KIRREL3: variants seen among roughly 807,000 people sequenced by gnomAD.
The protein encoded by KIRREL3 is kirre like nephrin family adhesion molecule 3, also known as kin of IRRE-like protein 3.
KIRREL3 carries 36 observed loss-of-function variants against 89.7 expected under a neutral mutation model. The ratio of observed to expected loss-of-function variants is 0.40; its 90% CI spans 0.31 to 0.53. The LOEUF is 0.53. Ranked by LOEUF, KIRREL3 falls within the 20% of genes least tolerant of loss-of-function variation. The pLI is 0.49. For missense variants in KIRREL3, 864 were observed against 1,056.6 expected (o/e 0.82, Z 2.53); for synonymous variants, 445 against 441.4 (o/e 1.01, Z -0.10).
At chr11:126,700,627 C>T (rs575224124) in intron 1 of KIRREL3, among the ~76,000 whole-genome samples, 32 of 152,314 alleles carry the variant, frequency 2.1e-4, no homozygotes, top group African/African-American at 7.2e-4. Flanking sequence ...GCCTTTCTGG[C>T]GGACCCCATT....
rs1336925666 is a variant in KIRREL3, at chr11:126,923,373, C to G, written c.55+77082G>C. On this transcript the variant is annotated intron_variant, in intron 1 of 16. Coordinates refer to ENST00000525144, the MANE Select transcript of KIRREL3 (RefSeq NM_032531.4). ...CTTCCTTCTCCTTCTCCTTCTCCTT[C>G]TTCCTTCTTCTTCTTCCTCTTCTTT... is the stretch of plus-strand genomic sequence containing the variant. Among the ~76,000 whole-genome samples the G allele has an allele frequency of 1.3e-3, 9 of 6,908 alleles. 1 individual carries two copies. The highest frequency in any genetic ancestry group is 8.3e-3 in the African/African-American group (9 of 1,086). 4.5% of individuals were successfully genotyped at this position (6,908 alleles called of 152,430 possible).
intron 1 of KIRREL3, among the ~76,000 whole-genome samples, chr11:126,757,831 C>G (rs1211169464): frequency 2.0e-5 from 3 of 152,224 alleles, no homozygotes; most frequent in Non-Finnish European, 1.5e-5. Flanking sequence ...AGGATCTCCA[C>G]CTCTGAAGAC....
At chr11:126,785,606 A>T (rs1950462999) in intron 1 of KIRREL3, among the ~76,000 whole-genome samples, 1 of 152,176 alleles carries the variant, frequency 6.6e-6, no homozygotes, top group African/African-American at 2.4e-5. Flanking sequence ...GGCCAGGTGC[A>T]GTGGCTCATG....
intron 1 of KIRREL3, among the ~76,000 whole-genome samples, chr11:126,952,749 A>G (rs1274887388): frequency 6.6e-6 from 1 of 152,186 alleles, no homozygotes; most frequent in African/African-American, 2.4e-5. Flanking sequence ...ATTTTTGTAT[A>G]TGGTGTAAGG....
rs978670255 is a variant in KIRREL3 at position 126,797,189 on chromosome 11, A to C, written c.55+203266T>G. Among the ~76,000 whole-genome samples, 3 of 152,164 alleles carry C rather than the reference A, an allele frequency of 2.0e-5. No individual in the cohort carries two copies. Among genetic ancestry groups the C allele is most frequent in the African/African-American group, 7.2e-5 (3 of 41,452 alleles). ...TTGGGGCTGTGTTACTGTGCAGGGAATATGAGCCTAGGCTCTGAATATGGG... is the reference window on the plus strand; with the variant it reads ...TTGGGGCTGTGTTACTGTGCAGGGACTATGAGCCTAGGCTCTGAATATGGG... On this transcript the variant is annotated intron_variant, in intron 1 of 16. Transcript: ENST00000525144. This position sits in a 1 kb window ranked among gnomAD's most constrained non-coding sequence, Gnocchi z 4.9.
At position 126,430,323 on chromosome 11, in the gene KIRREL3, T is replaced by C. The variant is rs1955084506; in HGVS notation, c.1697-1035A>G. Among the ~76,000 whole-genome samples, 1 of 152,066 alleles carries C rather than the reference T, an allele frequency of 6.6e-6. No homozygotes were observed. The highest frequency in any genetic ancestry group is 2.1e-4 in the South Asian group (1 of 4,826). ...AGCAAGGCATGATGGCACACGCCTG[T>C]AATCCCAGCGACTCAGGAGGCTTAG... is the stretch of plus-strand genomic sequence containing the variant. On this transcript the variant is annotated intron_variant, in intron 14 of 16. Transcript: ENST00000525144. The surrounding 1 kb of genome is among the most constrained non-coding windows in gnomAD (Gnocchi z 6.6).
intron 12 of KIRREL3, 39 bp from the exon 13 acceptor site, chr11:126,435,342 G>A (rs1955284257): frequency 1.2e-6 from 2 of 1,612,614 alleles, no homozygotes; most frequent in African/African-American, 2.7e-5. Context: ...GCCAGGGCCT[G>A]GCTGGCCAGG....
chr11:126,562,772 G>T lies in KIRREL3; in HGVS notation c.133+63C>A. 1 of 1,364,374 alleles carries T rather than the reference G, an allele frequency of 7.3e-7. No individual in the cohort carries two copies. The highest frequency in any genetic ancestry group is 1.0e-6 in the Non-Finnish European group (1 of 953,872). The allele number at this position is 1,364,374 out of a possible 1,614,324, so 84.5% of individuals were successfully genotyped here. Reference sequence around the variant, plus strand: ...TTATTCCTGGTTCCTCTGTCCTGTGGCTGTAGGGGAGAGCTTCCTCCCTCC... The same window carrying T: ...TTATTCCTGGTTCCTCTGTCCTGTGTCTGTAGGGGAGAGCTTCCTCCCTCC... On this transcript the variant is annotated intron_variant, in intron 2 of 16. Transcript: ENST00000525144. The surrounding 1 kb of genome is among the most constrained non-coding windows in gnomAD (Gnocchi z 4.7).
chr11:126,451,505 A>T (rs923763914), intron 7 of KIRREL3, among the ~76,000 whole-genome samples: 15 of 121,988 alleles, frequency 1.2e-4, no homozygotes, highest in African/African-American at 4.3e-4. Flanking sequence ...TGCATGTGTG[A>T]GTGTGTCCAT....
chr11:126,528,060 C>T lies in KIRREL3; in HGVS notation c.134-1373G>A, dbSNP rs1958818965. On this transcript the variant is annotated intron_variant, in intron 2 of 16. Coordinates refer to ENST00000525144, the MANE Select transcript of KIRREL3 (RefSeq NM_032531.4). The surrounding 1 kb of genome is among the most constrained non-coding windows in gnomAD (Gnocchi z 4.6). ...CAAAGAAACCAGGATCAGAGAGGCACAGTAACCTGCCCAAGGTCACGCAGC... is the reference window on the plus strand; with the variant it reads ...CAAAGAAACCAGGATCAGAGAGGCATAGTAACCTGCCCAAGGTCACGCAGC... Among the ~76,000 whole-genome samples, 2 of 152,212 alleles carry T rather than the reference C, an allele frequency of 1.3e-5. No homozygotes were observed. Among genetic ancestry groups the T allele is most frequent in the Admixed American group, 6.5e-5 (1 of 15,288 alleles).
In KIRREL3 at chr11:126,985,523, C is replaced by A. The variant is rs1478111809; in HGVS notation, c.55+14932G>T. On this transcript the variant is annotated intron_variant, in intron 1 of 16. Transcript: ENST00000525144. The surrounding 1 kb of genome is among the most constrained non-coding windows in gnomAD (Gnocchi z 5.3). ...GGGAGAGAGGTCAAGGAAACTTCCA[C>A]CAGGAGGCAAAAGGAGCTGAGTCTT... 1.3e-5 allele frequency among the ~76,000 whole-genome samples: 2 copies of A among 152,072 alleles called. No homozygotes were observed. Among genetic ancestry groups the A allele is most frequent in the Non-Finnish European group, 2.9e-5 (2 of 68,022 alleles).
Position 126,860,035 on chromosome 11 carries a change from T to C in KIRREL3, c.55+140420A>G, listed in dbSNP as rs1944655690. On this transcript the variant is annotated intron_variant, in intron 1 of 16. Transcript: ENST00000525144. This position sits in a 1 kb window ranked among gnomAD's most constrained non-coding sequence, Gnocchi z 4.6. ...TATTAACTCTGACGTTCTACTATTG[T>C]CTGAGAAGCGTAATCTGAAAGGGGA... Among the ~76,000 whole-genome samples, 1 of 152,206 alleles carries C rather than the reference T, an allele frequency of 6.6e-6. No homozygotes were observed. Among genetic ancestry groups the C allele is most frequent in the East Asian group, 1.9e-4 (1 of 5,192 alleles).
At chr11:126,775,538 C>T (rs1365322714) in intron 1 of KIRREL3, among the ~76,000 whole-genome samples, 1 of 152,182 alleles carries the variant, frequency 6.6e-6, no homozygotes, top group African/African-American at 2.4e-5. Flanking sequence ...TCCAGCTCCC[C>T]CAGTTCATCT....
chr11:126,923,178 C>CTTCTTCTT (rs1947461169), intron 1 of KIRREL3, among the ~76,000 whole-genome samples: 2 of 21,388 alleles, frequency 9.4e-5, no homozygotes, highest in East Asian at 1.1e-3. Flanking sequence ...TTCTTCTTCT[C>CTTCTTCTT]TTCTTCTTCT....
At chr11:126,716,763 G>T (rs1244778095) in intron 1 of KIRREL3, among the ~76,000 whole-genome samples, 2 of 122,336 alleles carry the variant, frequency 1.6e-5, no homozygotes, top group African/African-American at 3.3e-5. Context: ...GGGGGGGGAA[G>T]TGTGGGGGAG....
chr11:126,815,155 T>C (rs968043548), intron 1 of KIRREL3, among the ~76,000 whole-genome samples: 2 of 152,212 alleles, frequency 1.3e-5, no homozygotes, highest in African/African-American at 4.8e-5. Context: ...CAGTTTTGTC[T>C]TTATTCTCCA....
chr11:126,830,433 C>T lies in KIRREL3; in HGVS notation c.55+170022G>A, dbSNP rs1943566278. On this transcript the variant is annotated intron_variant, in intron 1 of 16. Transcript: ENST00000525144. The surrounding 1 kb of genome is among the most constrained non-coding windows in gnomAD (Gnocchi z 4.9). ...AATGAAAACAGATGTTGAGAAATGC[C>T]ATTATCCCATGCACGCTACAATAAA... Among the ~76,000 whole-genome samples, 1 of 152,172 alleles carries T rather than the reference C, an allele frequency of 6.6e-6. No homozygotes were observed. Among genetic ancestry groups the T allele is most frequent in the Non-Finnish European group, 1.5e-5 (1 of 68,026 alleles).
At chr11:126,863,356 A>G (rs1041069959) in intron 1 of KIRREL3, among the ~76,000 whole-genome samples, 1 of 104,686 alleles carries the variant, frequency 9.6e-6, no homozygotes, top group African/African-American at 3.1e-5. Context: ...GGTGCATGTG[A>G]GTGTGTGTTT....
At chr11:126,949,979 C>T (rs990087894) in intron 1 of KIRREL3, among the ~76,000 whole-genome samples, 2 of 152,116 alleles carry the variant, frequency 1.3e-5, no homozygotes, top group Non-Finnish European at 2.9e-5. Context: ...ATGAATCAGG[C>T]AATAGGCCAA....
Sources: allele counts gnomAD v4.1 joint callset (sites outside exome capture counted in the v4.1 genomes callset), GRCh38; gene constraint gnomAD v4.1.1; non-coding constraint Gnocchi (gnomAD v3.1); transcripts MANE v1.5; gene names NCBI Gene and HGNC (gene_info 2026-07-23, HGNC 2026-07-21).